The following SLC9B2 variants were observed in gnomAD, a reference collection of about 807,000 sequenced individuals.
The protein encoded by SLC9B2 is solute carrier family 9 member B2, also known as sodium/hydrogen exchanger 9B2.
Under a neutral mutation model 52.2 loss-of-function variants are expected in SLC9B2, and 39 were observed. The ratio of observed to expected loss-of-function variants is 0.75; its 90% CI spans 0.58 to 0.98. The LOEUF is 0.98. SLC9B2 is among the 50% of genes least tolerant of loss of function. The probability of loss-of-function intolerance (pLI) is 0.00; values close to 1 mark genes in which losing one functional copy is unlikely to be tolerated. For missense variants in SLC9B2, 626 were observed against 637.5 expected (o/e 0.98, Z 0.19); for synonymous variants, 214 against 227.0 (o/e 0.94, Z 0.51).
intron 9 of SLC9B2, among the ~76,000 whole-genome samples, chr4:103,041,805 A>C (rs549220183): frequency 6.6e-6 from 1 of 152,138 alleles, no homozygotes; most frequent in Non-Finnish European, 1.5e-5. Context: ...AGTCAAATTA[A>C]TCTGAGCTTA....
At chr4:103,067,645 C>A in intron 1 of SLC9B2, 53 bp from the exon 2 acceptor site, 1 of 1,004,142 alleles carries the variant, frequency 1.0e-6, no homozygotes, top group East Asian at 2.5e-5. Context: ...CTTGTGATTT[C>A]AAAGACTTTG....
intron 3 of SLC9B2, chr4:103,065,491 C>A (rs1746042517): frequency 1.3e-5 from 2 of 152,026 alleles, no homozygotes. Context: ...TAAATACATA[C>A]AATTTTATCT....
rs1304976095 is a variant in SLC9B2, at chr4:103,026,405, C to T, written c.1579G>A (p.Glu527Lys). The change falls in exon 12 of 12, where the codon GAA becomes AAA. Residue 527 changes from glutamate to lysine, a missense_variant. Transcript: ENST00000394785. ...ACAGAAGTCTCTCCTTGAACTTCTTCATCTTTATTTTGATGTTCAACTTTC... is the reference window on the plus strand; with the variant it reads ...ACAGAAGTCTCTCCTTGAACTTCTTTATCTTTATTTTGATGTTCAACTTTC... ...LQKVEHQNKD[E>K]EVQGETSVQV The T allele has an allele frequency of 6.2e-7, 1 of 1,613,354 alleles. No individual in the cohort carries two copies.
At position 103,025,171 on chromosome 4, in the gene SLC9B2, C is replaced by T. The variant is rs1235179134; in HGVS notation, c.*1199G>A. 6.6e-6 allele frequency among the ~76,000 whole-genome samples: 1 copy of T among 152,184 alleles called. No individual in the cohort carries two copies. The highest frequency in any genetic ancestry group is 1.5e-5 in the Non-Finnish European group (1 of 68,030). On this transcript the variant is annotated 3_prime_UTR_variant, in exon 12 of 12. Transcript: ENST00000394785. ...AAAGAGATGTGTCCAACTTCCACAT[C>T]ACTTCCTCAAAAATAAATTGCTATA...
intron 4 of SLC9B2, among the ~76,000 whole-genome samples, chr4:103,050,882 C>A (rs191570194): frequency 1.3e-5 from 2 of 152,350 alleles, no homozygotes; most frequent in Non-Finnish European, 2.9e-5. Flanking sequence ...ATTGCCCTGT[C>A]ATGTCAGCTG....
intron 1 of SLC9B2, among the ~76,000 whole-genome samples, chr4:103,075,928 A>G (rs1381748682): frequency 6.6e-6 from 1 of 152,190 alleles, no homozygotes; most frequent in Non-Finnish European, 1.5e-5. Flanking sequence ...GCATACGATG[A>G]TTCTTAGCAC....
At chr4:103,042,062 T>C (rs1743692247) in intron 9 of SLC9B2, 1 of 152,254 alleles carries the variant, frequency 6.6e-6, no homozygotes, top group Middle Eastern at 3.4e-3. Context: ...CAAAGATTTT[T>C]AAAGAGCTGG....
intron 9 of SLC9B2, among the ~76,000 whole-genome samples, chr4:103,037,201 A>T (rs1035912231): frequency 6.6e-6 from 1 of 151,992 alleles, no homozygotes; most frequent in African/African-American, 2.4e-5. Context: ...GTTTTTATTA[A>T]CCTTTCTGAA....
intron 1 of SLC9B2, among the ~76,000 whole-genome samples, chr4:103,073,610 A>T (rs1266884794): frequency 1.3e-5 from 2 of 152,220 alleles, no homozygotes; most frequent in Non-Finnish European, 2.9e-5. Context: ...ACCAAAGGAA[A>T]ACAACCGCTA....
intron 2 of SLC9B2, among the ~76,000 whole-genome samples, chr4:103,066,714 T>A (rs1255449160): frequency 2.0e-5 from 3 of 152,150 alleles, no homozygotes; most frequent in African/African-American, 7.2e-5. Flanking sequence ...CTATTTTTAG[T>A]ACAGGTTGAG....
downstream of SLC9B2, chr4:103,020,179 C>T (rs1741684095): frequency 9.9e-6 from 3 of 302,408 alleles, no homozygotes; most frequent in South Asian, 2.6e-5. Flanking sequence ...TGAGACATGG[C>T]AAGTGTCTGG....
intron 3 of SLC9B2, among the ~76,000 whole-genome samples, chr4:103,061,740 A>G (rs1745662404): frequency 6.6e-6 from 1 of 152,170 alleles, no homozygotes; most frequent in Admixed American, 6.5e-5. Context: ...GACCTCTGCT[A>G]CTTACACTTT....
chr4:103,026,654 T>A (rs2110567370), intron 11 of SLC9B2, 63 bp from the exon 12 acceptor site: 1 of 1,479,954 alleles, frequency 6.8e-7, no homozygotes, highest in African/African-American at 1.4e-5. Flanking sequence ...AAAAAGTGAG[T>A]TTTTTATTGT....
In SLC9B2 at chr4:103,058,278, C is replaced by T. The variant is rs77423313; in HGVS notation, c.272-307G>A. On this transcript the variant is annotated intron_variant, in intron 3 of 11. Coordinates refer to ENST00000394785, the MANE Select transcript of SLC9B2 (RefSeq NM_178833.7). The stretch of plus-strand genomic sequence containing the variant: ...CACTTTTTTCTTTATAATTTTAACA[C>T]AAATTTAGTTCTGTCTTGAATTAGA... Among the ~76,000 whole-genome samples the T allele has an allele frequency of 7.5e-3, 1,143 of 152,310 alleles. 15 individuals are homozygous for T. Among genetic ancestry groups the T allele is most frequent in the African/African-American group, 0.026 (1,087 of 41,568 alleles).
chr4:103,045,814 G>T (rs1463205022), intron 7 of SLC9B2, among the ~76,000 whole-genome samples: 1 of 152,134 alleles, frequency 6.6e-6, no homozygotes, highest in Non-Finnish European at 1.5e-5. Flanking sequence ...TGATTTAATT[G>T]TCTAAGATAG....
At chr4:103,061,348 T>C (rs1235209850) in intron 3 of SLC9B2, among the ~76,000 whole-genome samples, 1 of 152,208 alleles carries the variant, frequency 6.6e-6, no homozygotes, top group African/African-American at 2.4e-5. Flanking sequence ...GATGAGTTCA[T>C]GTCCTTTGTA....
In SLC9B2 at chr4:103,026,796, C is replaced by A. The variant is rs1040884488; in HGVS notation, c.1393-205G>T. Reference sequence around the variant, plus strand: ...GGCACATGTATACATATATAACAAACCTGCACGTTGTGCACATGTACCCTA... The same window carrying A: ...GGCACATGTATACATATATAACAAAACTGCACGTTGTGCACATGTACCCTA... On this transcript the variant is annotated intron_variant, in intron 11 of 11. Coordinates refer to ENST00000394785, the MANE Select transcript of SLC9B2 (RefSeq NM_178833.7). Among the ~76,000 whole-genome samples, 10 of 152,198 alleles carry A rather than the reference C, an allele frequency of 6.6e-5. No individual in the cohort carries two copies. The East Asian group carries it at 1.9e-3, about 29-fold the overall frequency.
intron 11 of SLC9B2, among the ~76,000 whole-genome samples, chr4:103,027,685 G>A (rs1295517761): frequency 1.3e-5 from 2 of 152,082 alleles, no homozygotes; most frequent in Non-Finnish European, 2.9e-5. Flanking sequence ...ACAAAAACAT[G>A]AATGACCCCT....
intron 4 of SLC9B2, among the ~76,000 whole-genome samples, chr4:103,057,543 G>T (rs1344704638): frequency 6.6e-6 from 1 of 151,932 alleles, no homozygotes; most frequent in Non-Finnish European, 1.5e-5. Flanking sequence ...CAGAGCTCAA[G>T]CAATCTGCCT....
Sources: allele counts gnomAD v4.1 joint callset (sites outside exome capture counted in the v4.1 genomes callset), GRCh38; gene constraint gnomAD v4.1.1; transcripts MANE v1.5; gene names NCBI Gene and HGNC (gene_info 2026-07-23, HGNC 2026-07-21).